The following SLC22A3 variants were observed in gnomAD, a reference collection of about 807,000 sequenced individuals.
SLC22A3 encodes the protein EMT organic cation transporter 3.
A neutral mutation model predicts 59.1 loss-of-function variants in SLC22A3; 51 were observed. The observed-to-expected ratio is 0.86, with a 90% confidence interval of 0.69 to 1.09. The LOEUF (loss-of-function observed/expected upper bound fraction) is 1.09, where lower values mean the gene tolerates loss of function less well. Ranked by LOEUF, SLC22A3 falls within the 50% of genes least tolerant of loss-of-function variation. SLC22A3 has a pLI of 0.00. For synonymous variants in SLC22A3, 325 were observed against 292.0 expected (o/e 1.11, Z -1.15); for missense variants, 711 against 726.3 (o/e 0.98, Z 0.24).
chr6:160,424,748 T>C (rs1351990385), intron 5 of SLC22A3, among the ~76,000 whole-genome samples: 1 of 152,226 alleles, frequency 6.6e-6, no homozygotes, highest in Non-Finnish European at 1.5e-5. Context: ...GAAAGATGAA[T>C]CTTGGCCTTT....
chr6:160,412,384 G>C (rs571120537), intron 5 of SLC22A3, among the ~76,000 whole-genome samples: 1 of 152,108 alleles, frequency 6.6e-6, no homozygotes, highest in Admixed American at 6.6e-5. Flanking sequence ...GGGTTTTGTT[G>C]GTTCTATTGT....
chr6:160,378,853 C>G (rs538537057), intron 1 of SLC22A3, among the ~76,000 whole-genome samples: 3 of 152,284 alleles, frequency 2.0e-5, no homozygotes, highest in African/African-American at 7.2e-5. Flanking sequence ...GTTGTTTCCC[C>G]TTGTGATCGC....
At chr6:160,432,669 G>T (rs891204703) in intron 5 of SLC22A3, among the ~76,000 whole-genome samples, 2 of 151,948 alleles carry the variant, frequency 1.3e-5, no homozygotes, top group African/African-American at 4.8e-5. Flanking sequence ...CTCGTGATCC[G>T]CCCGCCTTGG....
At chr6:160,391,861 A>G (rs1373455242) in intron 1 of SLC22A3, among the ~76,000 whole-genome samples, 1 of 152,232 alleles carries the variant, frequency 6.6e-6, no homozygotes, top group Non-Finnish European at 1.5e-5. Flanking sequence ...TAATACTTTC[A>G]TGTCTCCCAA....
rs1031964666 is a variant in SLC22A3 at position 160,426,887 on chromosome 6, C to T, written c.976-9893C>T. Among the ~76,000 whole-genome samples the T allele has an allele frequency of 4.6e-5, 7 of 152,158 alleles. No homozygotes were observed. The East Asian group carries it at 1.2e-3, about 25-fold the overall frequency. On this transcript the variant is annotated intron_variant, in intron 5 of 10. Transcript: ENST00000275300. Reference sequence around the variant, plus strand: ...TTGGACCCTGAATAACGCCAGCTTGCTTTCTGTGTCTACCGCACTAGTGGG... The same window carrying T: ...TTGGACCCTGAATAACGCCAGCTTGTTTTCTGTGTCTACCGCACTAGTGGG...
intron 1 of SLC22A3, among the ~76,000 whole-genome samples, chr6:160,367,036 C>G (rs1301537017): frequency 2.6e-5 from 4 of 152,132 alleles, no homozygotes; most frequent in Non-Finnish European, 5.9e-5. Context: ...TTTTGGGTAT[C>G]CTTGTAGCAG....
At chr6:160,417,499 T>A (rs1194371578) in intron 5 of SLC22A3, among the ~76,000 whole-genome samples, 1 of 152,248 alleles carries the variant, frequency 6.6e-6, no homozygotes, top group Non-Finnish European at 1.5e-5. Flanking sequence ...GTCATATTAC[T>A]AGTTCAACTG....
In SLC22A3 at chr6:160,451,006, T is replaced by C. The variant is rs1788940206; in HGVS notation, c.1621T>C (p.Cys541Arg). 5.0e-6 allele frequency: 8 copies of C among 1,593,010 alleles called. No individual in the cohort carries two copies. Among genetic ancestry groups the C allele is most frequent in the Non-Finnish European group, 6.9e-6 (8 of 1,167,512 alleles). Residue 541 changes from cysteine to arginine, a missense_variant, in exon 11 of 11, where the codon TGT (cysteine) becomes CGT (arginine). Coordinates refer to ENST00000275300, the MANE Select transcript of SLC22A3 (RefSeq NM_021977.4). ...CCTTTGTTTTTTCAGTCCACATTCC[T>C]GTAAATGTGGCAGGAATAAGAAAAC... ...DVEKLGSPHS[C>R]KCGRNKKTPV...
chr6:160,451,424 C>T lies in SLC22A3; in HGVS notation c.*368C>T, dbSNP rs1361146592. ...GCTCCATCAAGAATGTGGGATGTGC[C>T]GACCAAGGATTTGAGAAAGTTGTAC... On this transcript the variant is annotated 3_prime_UTR_variant, in exon 11 of 11. Transcript: ENST00000275300. 16 of 215,624 alleles carry T rather than the reference C, an allele frequency of 7.4e-5. No individual in the cohort carries two copies. Among genetic ancestry groups the T allele is most frequent in the African/African-American group, 3.2e-4 (14 of 43,850 alleles). The allele number at this position is 215,624 out of a possible 1,614,324, so 13.4% of individuals were successfully genotyped here.
chr6:160,437,471 T>C (rs1788388102), intron 7 of SLC22A3, among the ~76,000 whole-genome samples: 1 of 152,232 alleles, frequency 6.6e-6, no homozygotes, highest in African/African-American at 2.4e-5. Flanking sequence ...AGCGATGTGG[T>C]TTCTGTTACT....
intron 1 of SLC22A3, among the ~76,000 whole-genome samples, chr6:160,364,945 G>A (rs1289743690): frequency 6.6e-6 from 1 of 151,908 alleles, no homozygotes; most frequent in Non-Finnish European, 1.5e-5. Context: ...TTACCTTATT[G>A]AGTTTATATT....
chr6:160,451,301 C>T lies in SLC22A3; in HGVS notation c.*245C>T, dbSNP rs114301921. 1,542 of 483,906 alleles carry T rather than the reference C, an allele frequency of 3.2e-3. 23 individuals carry two copies. Among genetic ancestry groups the T allele is most frequent in the African/African-American group, 0.027 (1,381 of 51,360 alleles). The allele number at this position is 483,906 out of a possible 1,614,324, so 30.0% of individuals were successfully genotyped here. ...AGTTTAACAAAGAAGCTGTCAGGTG[C>T]ACAGCCCTTCCTGGGTTTTTTTCTT... On this transcript the variant is annotated 3_prime_UTR_variant, in exon 11 of 11. Coordinates refer to ENST00000275300, the MANE Select transcript of SLC22A3 (RefSeq NM_021977.4).
intron 5 of SLC22A3, among the ~76,000 whole-genome samples, chr6:160,426,511 T>G (rs1402414756): frequency 2.6e-5 from 4 of 152,226 alleles, no homozygotes; most frequent in African/African-American, 7.2e-5. Flanking sequence ...TTTATATGTT[T>G]GCTATTAATG....
At chr6:160,384,716 C>T (rs1234873186) in intron 1 of SLC22A3, among the ~76,000 whole-genome samples, 1 of 152,126 alleles carries the variant, frequency 6.6e-6, no homozygotes, top group African/African-American at 2.4e-5. Context: ...ACCTGCTGCT[C>T]GACTCCCACC....
In SLC22A3 at chr6:160,432,227, G is replaced by A. The variant is rs538621573; in HGVS notation, c.976-4553G>A. Among the ~76,000 whole-genome samples the A allele has an allele frequency of 1.7e-4, 26 of 152,190 alleles. No individual in the cohort carries two copies. In the South Asian group the frequency reaches 2.3e-3, roughly 13 times the overall value. ...GCCCAGTCACTGACATGGAGGATAC[G>A]ATTTCCCTAAACTAATCAGGCCTCC... On this transcript the variant is annotated intron_variant, in intron 5 of 10. Coordinates refer to ENST00000275300, the MANE Select transcript of SLC22A3 (RefSeq NM_021977.4).
chr6:160,391,060 G>T (rs1159906155), intron 1 of SLC22A3, among the ~76,000 whole-genome samples: 1 of 152,076 alleles, frequency 6.6e-6, no homozygotes, highest in Non-Finnish European at 1.5e-5. Flanking sequence ...CTTCTTCAAA[G>T]GATACCTGTC....
chr6:160,442,893 TTCTCCTAAGTAAC>T (rs1342067336), intron 8 of SLC22A3, 24 bp downstream of exon 8: 1 of 1,545,724 alleles, frequency 6.5e-7, no homozygotes. Context: ...ACGTTATAGT[TTCTCCTAAGTAAC>T]TCTGTAGACC....
chr6:160,397,732 C>CAA (rs201152865), intron 1 of SLC22A3, among the ~76,000 whole-genome samples: 198 of 88,158 alleles, frequency 2.2e-3, no homozygotes, highest in Admixed American at 4.7e-3. Context: ...GACTCCATCT[C>CAA]AAAAAAAAAA....
intron 1 of SLC22A3, among the ~76,000 whole-genome samples, chr6:160,355,023 C>T (rs902184787): frequency 6.6e-6 from 1 of 152,200 alleles, no homozygotes; most frequent in African/African-American, 2.4e-5. Context: ...GAAGGATATG[C>T]GTTCCTGGAG....
Sources: allele counts gnomAD v4.1 joint callset (sites outside exome capture counted in the v4.1 genomes callset), GRCh38; gene constraint gnomAD v4.1.1; transcripts MANE v1.5; gene names NCBI Gene and HGNC (gene_info 2026-07-23, HGNC 2026-07-21).